Variants in LHFPL3 observed in about 807,000 individuals in gnomAD.
The protein encoded by LHFPL3 is LHFPL tetraspan subfamily member 3.
LHFPL3 carries 5 observed loss-of-function variants against 19.3 expected under a neutral mutation model. That is an observed-to-expected ratio of 0.26 (90% CI 0.14 to 0.54). The LOEUF (loss-of-function observed/expected upper bound fraction) is 0.54. Among genes scored for constraint, LHFPL3 ranks in the 20% least tolerant of loss-of-function variants. LHFPL3 has a pLI of 0.94. For synonymous variants in LHFPL3, 133 were observed against 126.2 expected, an observed-to-expected ratio of 1.05 and a Z score of -0.36; for missense variants, 249 against 307.4, an observed-to-expected ratio of 0.81 and a Z score of 1.42.
At chr7:104,677,172 T>C (rs1562963745) in intron 1 of LHFPL3, among the ~76,000 whole-genome samples, 1 of 152,096 alleles carries the variant, frequency 6.6e-6, no homozygotes, top group East Asian at 1.9e-4. Flanking sequence ...GGCCAGGAGT[T>C]CAAGACCAGC....
At chr7:104,418,903 CAT>C (rs1455175376) in intron 1 of LHFPL3, among the ~76,000 whole-genome samples, 2 of 152,204 alleles carry the variant, frequency 1.3e-5, no homozygotes, top group Non-Finnish European at 2.9e-5. Context: ...CTGCACTGCA[CAT>C]GTGTTATCTA....
At chr7:104,869,857 G>C (rs796745959) in intron 2 of LHFPL3, among the ~76,000 whole-genome samples, 13 of 152,082 alleles carry the variant, frequency 8.5e-5, no homozygotes, top group Admixed American at 4.6e-4. Flanking sequence ...TCCAACAATG[G>C]TAGACTGGAT....
intron 1 of LHFPL3, among the ~76,000 whole-genome samples, chr7:104,551,812 C>T (rs1474392568): frequency 6.6e-6 from 1 of 152,126 alleles, no homozygotes; most frequent in East Asian, 1.9e-4. Context: ...CAGGGAGAAG[C>T]AGGAGAACGG....
chr7:104,750,784 G>A (rs1429692384), intron 2 of LHFPL3, among the ~76,000 whole-genome samples: 1 of 152,172 alleles, frequency 6.6e-6, no homozygotes, highest in Non-Finnish European at 1.5e-5. Flanking sequence ...TGAAAACCCT[G>A]AGGAACAAAT....
chr7:104,647,827 C>G (rs980809955), intron 1 of LHFPL3, among the ~76,000 whole-genome samples: 4 of 152,112 alleles, frequency 2.6e-5, no homozygotes, highest in South Asian at 2.1e-4. Context: ...CAAAAGTTTC[C>G]CAGGAACCCT....
At chr7:104,660,233 C>A (rs1162581041) in intron 1 of LHFPL3, among the ~76,000 whole-genome samples, 2 of 152,186 alleles carry the variant, frequency 1.3e-5, no homozygotes, top group Non-Finnish European at 2.9e-5. Flanking sequence ...GATCTCCTGA[C>A]CTCATGGTCC....
intron 2 of LHFPL3, among the ~76,000 whole-genome samples, chr7:104,855,215 C>T (rs1791481217): frequency 6.6e-6 from 1 of 152,168 alleles, no homozygotes; most frequent in Admixed American, 6.5e-5. Context: ...CATGATGGAA[C>T]AGACCAATGA....
intron 1 of LHFPL3, among the ~76,000 whole-genome samples, chr7:104,397,201 A>G (rs980610398): frequency 6.6e-6 from 1 of 152,146 alleles, no homozygotes; most frequent in African/African-American, 2.4e-5. Context: ...GAATTTTCCA[A>G]TAAAATTATA....
intron 2 of LHFPL3, among the ~76,000 whole-genome samples, chr7:104,781,103 GA>G (rs972582752): frequency 3.8e-4 from 58 of 151,510 alleles, no homozygotes; most frequent in African/African-American, 1.0e-3. Context: ...ATATCAGAGG[GA>G]AAAAAAAATT....
chr7:104,403,014 C>T (rs1290934266), intron 1 of LHFPL3, among the ~76,000 whole-genome samples: 2 of 152,076 alleles, frequency 1.3e-5, no homozygotes, highest in East Asian at 1.9e-4. Context: ...AATTGGAACA[C>T]GTGGACACAG....
intron 1 of LHFPL3, among the ~76,000 whole-genome samples, chr7:104,680,648 G>A (rs1052273789): frequency 2.0e-5 from 3 of 152,134 alleles, no homozygotes; most frequent in African/African-American, 7.2e-5. Context: ...CCTTTTGGAG[G>A]TTTTGTGTCA....
At chr7:104,553,499 T>A (rs762730084) in intron 1 of LHFPL3, among the ~76,000 whole-genome samples, 4 of 152,170 alleles carry the variant, frequency 2.6e-5, no homozygotes, top group Non-Finnish European at 5.9e-5. Context: ...CTAAGCACTT[T>A]CCAGAAAAAT....
chr7:104,759,301 A>T (rs993148760), intron 2 of LHFPL3, among the ~76,000 whole-genome samples: 2 of 152,072 alleles, frequency 1.3e-5, no homozygotes, highest in Non-Finnish European at 2.9e-5. Context: ...AATAAGCCCG[A>T]GTTACTCAGA....
intron 1 of LHFPL3, among the ~76,000 whole-genome samples, chr7:104,505,031 A>C (rs759386228): frequency 4.6e-5 from 7 of 152,218 alleles, no homozygotes; most frequent in Non-Finnish European, 1.0e-4. Context: ...GTGTATACAC[A>C]TATACTGCTA....
intron 1 of LHFPL3, among the ~76,000 whole-genome samples, chr7:104,633,483 G>T (rs1425760698): frequency 6.6e-6 from 1 of 152,144 alleles, no homozygotes; most frequent in Non-Finnish European, 1.5e-5. Flanking sequence ...GGATTCCGCA[G>T]TTTCTCATCC....
intron 1 of LHFPL3, among the ~76,000 whole-genome samples, chr7:104,528,832 C>T (rs1013673338): frequency 2.0e-5 from 3 of 152,132 alleles, no homozygotes; most frequent in South Asian, 2.1e-4. Context: ...CTTAGCTCGA[C>T]ATTGAAGATG....
chr7:104,772,526 A>G (rs2116401762), intron 2 of LHFPL3, among the ~76,000 whole-genome samples: 1 of 152,308 alleles, frequency 6.6e-6, no homozygotes, highest in South Asian at 2.1e-4. Flanking sequence ...CAGCAGTCAC[A>G]GCAGTGCCCT....
At chr7:104,661,179 AG>A (rs530054016) in intron 1 of LHFPL3, among the ~76,000 whole-genome samples, 23 of 152,312 alleles carry the variant, frequency 1.5e-4, no homozygotes, top group African/African-American at 4.1e-4. Context: ...AAAGAAACTC[AG>A]GTTCTCAAGA....
chr7:104,840,357 C>T lies in LHFPL3; in HGVS notation c.683-65830C>T, dbSNP rs367811390. Among the ~76,000 whole-genome samples the T allele has an allele frequency of 4.1e-5, 6 of 147,294 alleles. No individual in the cohort carries two copies. The South Asian group carries it at 6.4e-4, about 16-fold the overall frequency. On this transcript the variant is annotated intron_variant, in intron 2 of 2. Transcript: ENST00000424859. ...TTGAGACAAGGTCTCACTCTGTCAC[C>T]GAGGCTGGAGTGCAGCGGCACAATC...
Sources: allele counts gnomAD v4.1 joint callset (sites outside exome capture counted in the v4.1 genomes callset), GRCh38; gene constraint gnomAD v4.1.1; transcripts MANE v1.5; gene names NCBI Gene and HGNC (gene_info 2026-07-23, HGNC 2026-07-21).